C6orf132: variants seen among roughly 807,000 people sequenced by gnomAD.
C6orf132 encodes the protein uncharacterized protein C6orf132.
Under a neutral mutation model 65.3 loss-of-function variants are expected in C6orf132, and 43 were observed. The ratio of observed to expected loss-of-function variants is 0.66; its 90% CI spans 0.52 to 0.85. The LOEUF is 0.85. Among genes scored for constraint, C6orf132 ranks in the 40% least tolerant of loss-of-function variants. The pLI is 0.00. For missense variants in C6orf132, 1,488 were observed against 1,548.8 expected, an observed-to-expected ratio of 0.96 and a Z score of 0.66; for synonymous variants, 631 against 654.1, an observed-to-expected ratio of 0.96 and a Z score of 0.54.
In C6orf132 at chr6:42,124,628, C is replaced by T. The variant is rs1179579142; in HGVS notation, c.252+4044G>A. Reference sequence around the variant, plus strand: ...GACAGTGTCAGGCAGGGCTAGGCACCGGCCCAGCTCCCCACCCACCCTGAC... The same window carrying T: ...GACAGTGTCAGGCAGGGCTAGGCACTGGCCCAGCTCCCCACCCACCCTGAC... On this transcript the variant is annotated intron_variant, in intron 2 of 4. Transcript: ENST00000341865. This position sits in a 1 kb window ranked among gnomAD's most constrained non-coding sequence, Gnocchi z 4.0. Among the ~76,000 whole-genome samples, 14 of 152,184 alleles carry T rather than the reference C, an allele frequency of 9.2e-5. No homozygotes were observed. The highest frequency in any genetic ancestry group is 7.8e-4 in the Admixed American group (12 of 15,290).
intron 1 of C6orf132, among the ~76,000 whole-genome samples, chr6:42,136,161 CAAAAAA>C (rs5875794): frequency 7.0e-6 from 1 of 142,568 alleles, no homozygotes; most frequent in Non-Finnish European, 1.5e-5. Flanking sequence ...GTAAGCCATC[CAAAAAA>C]AAAAAAAAGA....
intron 4 of C6orf132, 40 bp from the exon 5 acceptor site, chr6:42,103,918 T>C (rs1436978000): frequency 5.3e-6 from 7 of 1,309,964 alleles, no homozygotes; most frequent in Non-Finnish European, 6.0e-6. Context: ...TATCTGCAGC[T>C]GGTTAGCCAA....
rs1182899141 is a variant in C6orf132 at position 42,106,577 on chromosome 6, G to A, written c.1335C>T (p.Pro445=). ...CTGTGTTCTCTGGGCTGGGGGGGTT[G>A]GGTTTGGGTTTGAGAGCAGGAGAGC... ...KSSSPALKPK[P]NPPSPENTAS... Residue 445 remains proline, a synonymous_variant, in exon 4 of 5, where the codon CCC becomes CCT. Transcript: ENST00000341865. 12 of 1,534,092 alleles carry A rather than the reference G, an allele frequency of 7.8e-6. No individual in the cohort carries two copies. The South Asian group carries it at 9.5e-5, about 12-fold the overall frequency.
At position 42,105,667 on chromosome 6, in the gene C6orf132, G is replaced by A. The variant is rs780727301; in HGVS notation, c.2245C>T (p.Arg749Cys). 4 of 1,537,136 alleles carry A rather than the reference G, an allele frequency of 2.6e-6. No homozygotes were observed. Among genetic ancestry groups the A allele is most frequent in the South Asian group, 2.4e-5 (2 of 84,068 alleles). ...EATRLPTQGARSSAAFPPKTS... is the reference protein window; with the variant it reads ...EATRLPTQGACSSAAFPPKTS... ...TTTGGTGGGAAGGCTGCAGATGAGC[G>A]GGCTCCCTGTGTGGGCAGCCTAGTG... The change falls in exon 4 of 5, where the codon CGC becomes TGC. Residue 749 changes from arginine to cysteine, a missense_variant. Coordinates refer to ENST00000341865, the MANE Select transcript of C6orf132 (RefSeq NM_001164446.3).
intron 1 of C6orf132, among the ~76,000 whole-genome samples, chr6:42,133,320 A>G (rs1424780188): frequency 6.6e-6 from 1 of 152,258 alleles, no homozygotes; most frequent in East Asian, 1.9e-4. Context: ...AAAGAGGGGC[A>G]CAGCCCCGTG....
intron 2 of C6orf132, among the ~76,000 whole-genome samples, chr6:42,120,960 A>G (rs1298338761): frequency 6.6e-6 from 1 of 152,196 alleles, no homozygotes; most frequent in African/African-American, 2.4e-5. Context: ...TGGAAAAAAC[A>G]TCAACTTAGG....
In C6orf132 at chr6:42,113,947, A is replaced by G. The variant is rs79389226; in HGVS notation, c.253-3656T>C. Among the ~76,000 whole-genome samples the G allele has an allele frequency of 4.5e-4, 69 of 152,350 alleles. No homozygotes were observed. The East Asian group carries it at 0.013, about 28-fold the overall frequency. ...AAACCAATGCTAGTTGAAGGATTAT[A>G]TCTTGTAATCCTCTATTCCAGAAAA... is the stretch of plus-strand genomic sequence containing the variant. On this transcript the variant is annotated intron_variant, in intron 2 of 4. Coordinates refer to ENST00000341865, the MANE Select transcript of C6orf132 (RefSeq NM_001164446.3).
chr6:42,142,469 A>G lies in C6orf132; in HGVS notation c.-25T>C. ...TGCTGCCGCAGCCCGCGCGGGCGCC[A>G]GGGAAGGACCTTCCCTCCCTCGCCC... On this transcript the variant is annotated 5_prime_UTR_variant, in exon 1 of 5. Coordinates refer to ENST00000341865, the MANE Select transcript of C6orf132 (RefSeq NM_001164446.3). 1 of 1,546,876 alleles carries G rather than the reference A, an allele frequency of 6.5e-7. No homozygotes were observed. Among genetic ancestry groups the G allele is most frequent in the Non-Finnish European group, 8.7e-7 (1 of 1,144,738 alleles).
At position 42,107,234 on chromosome 6, in the gene C6orf132, G is replaced by A; in HGVS notation, c.678C>T (p.Pro226=). 1 of 1,392,960 alleles carries A rather than the reference G, an allele frequency of 7.2e-7. No homozygotes were observed. Among genetic ancestry groups the A allele is most frequent in the African/African-American group, 1.5e-5 (1 of 66,726 alleles). 86.3% of individuals were successfully genotyped at this position (1,392,960 alleles called of 1,614,324 possible). Residue 226 remains proline, a synonymous_variant, in exon 4 of 5, where the codon CCC becomes CCT. Transcript: ENST00000341865. The part of the protein sequence containing the change: ...PPAPPLAFLA[P]PPPPVPAPAP... Reference sequence around the variant, plus strand: ...CTGGGGCTGGCACAGGAGGCGGTGGGGGGGCTAGAAAGGCCAAGGGTGGGG... The same window carrying A: ...CTGGGGCTGGCACAGGAGGCGGTGGAGGGGCTAGAAAGGCCAAGGGTGGGG...
At chr6:42,127,921 G>T (rs1213905047) in intron 2 of C6orf132, among the ~76,000 whole-genome samples, 6 of 148,874 alleles carry the variant, frequency 4.0e-5, no homozygotes, top group Non-Finnish European at 8.9e-5. Context: ...ATGTTGCAAT[G>T]ACACTCTTTT....
Position 42,142,305 on chromosome 6 carries a change from C to T in C6orf132, c.140G>A (p.Gly47Asp), listed in dbSNP as rs768296537. ...TQEAPEEGTGGFDGIYYGDNR... is the reference protein window; with the variant it reads ...TQEAPEEGTGDFDGIYYGDNR... ...TCCGTCCCCGGAGTACTCACCGAAG[C>T]CCCCGGTCCCCTCCTCCGGGGCCTC... The change falls in exon 1 of 5, where the codon GGC becomes GAC. Residue 47 changes from glycine to aspartate, a missense_variant. Transcript: ENST00000341865. 3.6e-5 allele frequency: 56 copies of T among 1,550,012 alleles called. No individual in the cohort carries two copies. Among genetic ancestry groups the T allele is most frequent in the Non-Finnish European group, 4.7e-5 (54 of 1,146,530 alleles).
intron 1 of C6orf132, among the ~76,000 whole-genome samples, chr6:42,129,231 G>T (rs1353014137): frequency 6.6e-6 from 1 of 152,220 alleles, no homozygotes; most frequent in East Asian, 1.9e-4. Context: ...CCTGCTGTCC[G>T]CAGTGGCCAA....
At chr6:42,115,101 C>A (rs905790671) in intron 2 of C6orf132, among the ~76,000 whole-genome samples, 1 of 149,788 alleles carries the variant, frequency 6.7e-6, no homozygotes, top group Non-Finnish European at 1.5e-5. Context: ...GAGTTGGAGA[C>A]CAACATGGTG....
At chr6:42,118,564 C>G (rs9381145) in intron 2 of C6orf132, among the ~76,000 whole-genome samples, 1 of 152,154 alleles carries the variant, frequency 6.6e-6, no homozygotes, top group Non-Finnish European at 1.5e-5. Context: ...GGCAGACCAA[C>G]CTGTGTACAG....
Position 42,107,365 on chromosome 6 carries a change from GGGGTGGGGGTTCCAGCAGCAGGGGAGGT to G in C6orf132, c.519_546del (p.Pro174ArgfsTer42). ...GGTGGAGGTGGGGCCATGCTGGGCGGGGGTGGGGGTTCCAGCAGCAGGGGAGGTGGTGGGGGTGCTGTGGAAGGTGGAG... is the reference window on the plus strand; with the variant it reads ...GGTGGAGGTGGGGCCATGCTGGGCGGGGTGGGGGTGCTGTGGAAGGTGGAG... On this transcript the variant is annotated frameshift_variant, in exon 4 of 5. Coordinates refer to ENST00000341865, the MANE Select transcript of C6orf132 (RefSeq NM_001164446.3). LOFTEE classifies it high-confidence loss of function. 1 of 1,026,434 alleles carries G rather than the reference GGGGTGGGGGTTCCAGCAGCAGGGGAGGT, an allele frequency of 9.7e-7. No homozygotes were observed. The highest frequency in any genetic ancestry group is 1.4e-6 in the Non-Finnish European group (1 of 701,966). The allele number at this position is 1,026,434 out of a possible 1,614,324, so 63.6% of individuals were successfully genotyped here. A position where few individuals can be genotyped will look rare whatever the true frequency, so the allele number is the denominator to read the frequency against.
intron 1 of C6orf132, 24 bp from the exon 2 acceptor site, chr6:42,128,802 A>T (rs1384964867): frequency 6.6e-7 from 1 of 1,521,604 alleles, no homozygotes; most frequent in East Asian, 2.5e-5. Context: ...GTGAGGGGAC[A>T]CCATAAGCTG....
chr6:42,126,590 C>G lies in C6orf132; in HGVS notation c.252+2082G>C, dbSNP rs1252377913. On this transcript the variant is annotated intron_variant, in intron 2 of 4. Transcript: ENST00000341865. The stretch of plus-strand genomic sequence containing the variant: ...GGCGCGGTAGCTCACGCCTGTAATC[C>G]CAGCACTTTGGGAGGCTGAGGTTTG... The G allele has an allele frequency of 2.0e-5, 4 of 202,626 alleles. No homozygotes were observed. The East Asian group carries it at 4.1e-4, about 21-fold the overall frequency. The allele number at this position is 202,626 out of a possible 1,614,324, so 12.6% of individuals were successfully genotyped here.
At chr6:42,128,025 T>C (rs962483021) in intron 2 of C6orf132, among the ~76,000 whole-genome samples, 20 of 151,474 alleles carry the variant, frequency 1.3e-4, no homozygotes, top group South Asian at 2.1e-4. Flanking sequence ...CCTGGGTTCA[T>C]GCCATTCTCC....
rs1303138441 is a variant in C6orf132, at chr6:42,124,170, A to G, written c.252+4502T>C. 6.6e-6 allele frequency among the ~76,000 whole-genome samples: 1 copy of G among 152,248 alleles called. No homozygotes were observed. The highest frequency in any genetic ancestry group is 2.4e-5 in the African/African-American group (1 of 41,478). On this transcript the variant is annotated intron_variant, in intron 2 of 4. Transcript: ENST00000341865. The surrounding 1 kb of genome is among the most constrained non-coding windows in gnomAD (Gnocchi z 4.0). ...GCCTGCAGCCACCCCGCATCCCAGCAGCAGAGCTGGGACTGGTGTCAGCTG... is the reference window on the plus strand; with the variant it reads ...GCCTGCAGCCACCCCGCATCCCAGCGGCAGAGCTGGGACTGGTGTCAGCTG...
Sources: gnomAD v4.1 joint callset for allele counts (sites outside exome capture counted in the v4.1 genomes callset) on GRCh38, gnomAD v4.1.1 for gene constraint, Gnocchi (gnomAD v3.1) non-coding constraint, MANE v1.5 for transcripts, NCBI Gene and HGNC (gene_info 2026-07-23, HGNC 2026-07-21) for gene names.